The following RBFOX1 variants were observed in gnomAD, a reference collection of about 807,000 sequenced individuals.
RBFOX1 encodes RNA binding fox-1 homolog 1.
RBFOX1 carries 8 observed loss-of-function variants against 57.7 expected under a neutral mutation model. That is an observed-to-expected ratio of 0.14 (90% confidence interval 0.08 to 0.25). The LOEUF is 0.25. Among genes scored for constraint, RBFOX1 ranks in the 10% least tolerant of loss-of-function variants. The pLI is 1.00. For missense variants in RBFOX1, 611 were observed against 548.5 expected (o/e 1.11, Z -1.14); for synonymous variants, 326 against 222.4 (o/e 1.47, Z -4.15).
chr16:6,642,819 A>G (rs981205987), intron 2 of RBFOX1, among the ~76,000 whole-genome samples: 1 of 152,018 alleles, frequency 6.6e-6, no homozygotes, highest in East Asian at 1.9e-4. Context: ...CCCCCTGAAG[A>G]TTCCTCCAAA....
At chr16:7,563,062 G>A (rs2090794916) in intron 5 of RBFOX1, among the ~76,000 whole-genome samples, 1 of 152,172 alleles carries the variant, frequency 6.6e-6, no homozygotes, top group Admixed American at 6.5e-5. Flanking sequence ...ACATCCCAAA[G>A]AAGCTCTGAG....
chr16:6,335,768 A>G (rs2083558819), intron 2 of RBFOX1, among the ~76,000 whole-genome samples: 2 of 142,002 alleles, frequency 1.4e-5, no homozygotes, highest in Non-Finnish European at 1.5e-5. Flanking sequence ...ATACAGCAAG[A>G]CTGTCTCCAA....
intron 2 of RBFOX1, among the ~76,000 whole-genome samples, chr16:6,323,909 A>T (rs1420449024): frequency 6.6e-6 from 1 of 152,040 alleles, no homozygotes. Flanking sequence ...AGTAGCTGGT[A>T]TTATAGGTGT....
chr16:6,652,127 G>T (rs1008692760), intron 2 of RBFOX1, among the ~76,000 whole-genome samples: 2 of 152,104 alleles, frequency 1.3e-5, no homozygotes, highest in African/African-American at 2.4e-5. Context: ...TAAGGGTGGG[G>T]TCTTAATCCA....
intron 2 of RBFOX1, among the ~76,000 whole-genome samples, chr16:6,385,269 G>C (rs2092170621): frequency 6.6e-6 from 1 of 152,188 alleles, no homozygotes; most frequent in Non-Finnish European, 1.5e-5. Flanking sequence ...CGTAGGTCTG[G>C]GTTCGAACTC....
chr16:7,346,201 C>T (rs544874334), intron 4 of RBFOX1, among the ~76,000 whole-genome samples: 30 of 152,108 alleles, frequency 2.0e-4, no homozygotes, highest in Admixed American at 3.9e-4. Flanking sequence ...TGTATATGTG[C>T]GACATTTTCT....
intron 4 of RBFOX1, among the ~76,000 whole-genome samples, chr16:7,270,463 AAG>A (rs2095290787): frequency 1.3e-5 from 2 of 152,356 alleles, no homozygotes; most frequent in South Asian, 4.1e-4. Context: ...ATGGAAATGT[AAG>A]AAGTTTAACG....
At chr16:6,591,011 G>A (rs550766123) in intron 2 of RBFOX1, among the ~76,000 whole-genome samples, 1 of 152,114 alleles carries the variant, frequency 6.6e-6, no homozygotes, top group Non-Finnish European at 1.5e-5. Flanking sequence ...CTCTGAACTT[G>A]GTTTTGGCAC....
At chr16:6,296,003 G>A (rs576450172) in intron 1 of RBFOX1, among the ~76,000 whole-genome samples, 39 of 152,334 alleles carry the variant, frequency 2.6e-4, no homozygotes, top group African/African-American at 9.1e-4. Flanking sequence ...ACAAGGCTTA[G>A]GAGATAATCA....
intron 2 of RBFOX1, among the ~76,000 whole-genome samples, chr16:6,465,149 T>A (rs1242097196): frequency 6.6e-6 from 1 of 152,252 alleles, no homozygotes; most frequent in Non-Finnish European, 1.5e-5. Flanking sequence ...CATTTTCTTG[T>A]TTCTGTGCGA....
rs1567430687 is a variant in RBFOX1 at position 5,709,862 on chromosome 16, T to TA, written c.318+110901_318+110902insA. The stretch of plus-strand genomic sequence containing the variant: ...ATATATATTTTTTTTTTTTTTTTTT[T>TA]TTTTTTTTTTTTTTTACCATTTCCT... On this transcript the variant is annotated intron_variant, in intron 3 of 19. Transcript: ENST00000641259. Among the ~76,000 whole-genome samples, 7 of 75,138 alleles carry TA rather than the reference T, an allele frequency of 9.3e-5. 1 individual carries two copies. Among genetic ancestry groups the TA allele is most frequent in the Admixed American group, 3.9e-4 (3 of 7,628 alleles). The allele number at this position is 75,138 out of a possible 152,430, so 49.3% of individuals were successfully genotyped here. A position where few individuals can be genotyped will look rare whatever the true frequency, so the allele number is the denominator to read the frequency against.
intron 2 of RBFOX1, among the ~76,000 whole-genome samples, chr16:6,487,144 C>CTGTGTGTGTGTCTG (rs1348291818): frequency 2.9e-3 from 410 of 140,218 alleles, no homozygotes; most frequent in African/African-American, 9.7e-3. Context: ...TGTGGGGTTT[C>CTGTGTGTGTGTCTG]TGTGTGTGTG....
intron 4 of RBFOX1, among the ~76,000 whole-genome samples, chr16:7,447,908 C>A (rs9944391): frequency 6.6e-6 from 1 of 152,050 alleles, no homozygotes; most frequent in African/African-American, 2.4e-5. Context: ...AGGGGAGGGG[C>A]CAACAGGCAT....
chr16:6,047,148 C>G (rs1387681885), intron 1 of RBFOX1, among the ~76,000 whole-genome samples: 1 of 152,118 alleles, frequency 6.6e-6, no homozygotes, highest in African/African-American at 2.4e-5. Context: ...AAAAAATGGA[C>G]TATAAAACAA....
chr16:5,957,368 C>T (rs1257606983), intron 4 of RBFOX1, among the ~76,000 whole-genome samples: 1 of 152,132 alleles, frequency 6.6e-6, no homozygotes, highest in East Asian at 1.9e-4. Context: ...GCATGTGCCA[C>T]CATGCCCAGC....
At chr16:7,080,220 G>T (rs925300150) in intron 4 of RBFOX1, among the ~76,000 whole-genome samples, 1 of 151,872 alleles carries the variant, frequency 6.6e-6, no homozygotes, top group African/African-American at 2.4e-5. Context: ...CACAAGAAGG[G>T]TTGAACTGAC....
intron 1 of RBFOX1, among the ~76,000 whole-genome samples, chr16:5,421,565 T>C (rs2067327399): frequency 6.6e-6 from 1 of 152,054 alleles, no homozygotes; most frequent in South Asian, 2.1e-4. Context: ...GCAGGGGGAC[T>C]CGAGTGAGGC....
rs561042890 is a variant in RBFOX1, at chr16:7,530,298, C to T, written c.270+11909C>T. Among the ~76,000 whole-genome samples, 30 of 152,244 alleles carry T rather than the reference C, an allele frequency of 2.0e-4. No homozygotes were observed. The South Asian group carries it at 6.2e-3, about 32-fold the overall frequency. On this transcript the variant is annotated intron_variant, in intron 5 of 15. Coordinates refer to ENST00000550418, the MANE Select transcript of RBFOX1 (RefSeq NM_018723.4). ...TACCATGCCCTTCCTCTGTCCATCT[C>T]CTGGATTCTACAGCCATTTTTAAAA... is the stretch of plus-strand genomic sequence containing the variant.
At chr16:7,470,177 C>G (rs980966074) in intron 4 of RBFOX1, among the ~76,000 whole-genome samples, 3 of 152,124 alleles carry the variant, frequency 2.0e-5, no homozygotes, top group Non-Finnish European at 4.4e-5. Flanking sequence ...ACTGTATACC[C>G]CAGGTGCACC....
Sources: allele counts gnomAD v4.1 joint callset (sites outside exome capture counted in the v4.1 genomes callset), GRCh38; gene constraint gnomAD v4.1.1; transcripts MANE v1.5; gene names NCBI Gene and HGNC (gene_info 2026-07-23, HGNC 2026-07-21).